Variants in ZNF469 observed in about 807,000 individuals in gnomAD.
ZNF469 encodes the protein zinc finger protein 469.
A neutral mutation model predicts 1.0 loss-of-function variants in ZNF469; 1 was observed. That is an observed-to-expected ratio of 1.00 (90% CI 0.35 to 4.73). ZNF469 has a LOEUF of 4.73. Ranked by LOEUF, ZNF469 falls within the 30% of genes most tolerant of loss-of-function variation. ZNF469 has a pLI of 0.16. For synonymous variants in ZNF469, 2,703 were observed against 2,363.4 expected (o/e 1.14, Z -4.17); for missense variants, 6,100 against 5,356.3 (o/e 1.14, Z -4.33).
At chr16:88,117,599 C>T in the ZNF469 span, among the ~76,000 whole-genome samples, 9 of 151,940 alleles carry the variant, frequency 5.9e-5, no homozygotes, top group Non-Finnish European at 1.2e-4. Context: ...CACGTGCCTT[C>T]GGGGACCGTG....
chr16:88,168,240 T>C, the ZNF469 span, among the ~76,000 whole-genome samples: 1 of 152,184 alleles, frequency 6.6e-6, no homozygotes, highest in Non-Finnish European at 1.5e-5. The surrounding 1 kb of genome is among the most constrained non-coding windows in gnomAD (Gnocchi z 4.3). Context: ...ACTCAGAGTG[T>C]GGGTGTCTGA....
the ZNF469 span, among the ~76,000 whole-genome samples, chr16:88,138,388 C>A: frequency 6.6e-6 from 1 of 152,196 alleles, no homozygotes; most frequent in South Asian, 2.1e-4. Context: ...GAGCGCCCAG[C>A]GGGTTGTCAA....
chr16:88,241,003 C>T, the ZNF469 span, among the ~76,000 whole-genome samples: 1 of 152,156 alleles, frequency 6.6e-6, no homozygotes, highest in Non-Finnish European at 1.5e-5. The surrounding 1 kb of genome is among the most constrained non-coding windows in gnomAD (Gnocchi z 4.8). Flanking sequence ...GGGCCGCCCA[C>T]ACCATGTCAG....
the ZNF469 span, among the ~76,000 whole-genome samples, chr16:88,117,225 C>T: frequency 4.9e-5 from 7 of 141,742 alleles, no homozygotes; most frequent in South Asian, 4.5e-4. Flanking sequence ...GAGCTGGGGT[C>T]GTGTGAGAGC....
chr16:88,316,868 A>C, the ZNF469 span, among the ~76,000 whole-genome samples: 1 of 151,984 alleles, frequency 6.6e-6, no homozygotes, highest in African/African-American at 2.4e-5. Flanking sequence ...TCAGTGCCGC[A>C]TTGCCCAGCA....
chr16:88,218,888 TCTC>T, the ZNF469 span, among the ~76,000 whole-genome samples: 1 of 145,454 alleles, frequency 6.9e-6, no homozygotes, highest in Non-Finnish European at 1.5e-5. Context: ...CAGCCCAAAA[TCTC>T]CTTAAGCTGA....
At chr16:88,297,568 A>G in the ZNF469 span, among the ~76,000 whole-genome samples, 2 of 152,144 alleles carry the variant, frequency 1.3e-5, no homozygotes, top group African/African-American at 4.8e-5. Context: ...TGAGCCCTGC[A>G]TGCCTGACCT....
the ZNF469 span, among the ~76,000 whole-genome samples, chr16:88,122,088 GGC>G: frequency 0.021 from 2,928 of 140,948 alleles, 69 homozygotes; most frequent in Non-Finnish European, 0.034. Context: ...CTGCGGCCTC[GGC>G]AGCCCCTCGG....
chr16:88,383,788 G>C (rs2092531297), intron 1 of ZNF469, among the ~76,000 whole-genome samples: 1 of 152,118 alleles, frequency 6.6e-6, no homozygotes, highest in Admixed American at 6.5e-5. Flanking sequence ...TCAGCGCCCC[G>C]GACGGGGGTG....
chr16:88,241,857 C>T, the ZNF469 span, among the ~76,000 whole-genome samples: 7 of 152,292 alleles, frequency 4.6e-5, no homozygotes, highest in South Asian at 8.3e-4. This position sits in a 1 kb window ranked among gnomAD's most constrained non-coding sequence, Gnocchi z 4.8. Flanking sequence ...TTCAGGGCCC[C>T]GTGGAGACTC....
the ZNF469 span, among the ~76,000 whole-genome samples, chr16:88,369,542 A>G: frequency 1.3e-5 from 2 of 152,208 alleles, no homozygotes; most frequent in African/African-American, 2.4e-5. Context: ...GCCCATTGCT[A>G]TGTGACCCTG....
chr16:88,299,648 G>A, the ZNF469 span, among the ~76,000 whole-genome samples: 1 of 152,162 alleles, frequency 6.6e-6, no homozygotes, highest in African/African-American at 2.4e-5. Context: ...GGGTCAGGTC[G>A]CTGTGATCCC....
At chr16:88,297,351 C>T in the ZNF469 span, among the ~76,000 whole-genome samples, 2 of 152,338 alleles carry the variant, frequency 1.3e-5, no homozygotes, top group Non-Finnish European at 2.9e-5. Flanking sequence ...CGGGTGCGTG[C>T]ATGACAAGGC....
chr16:88,145,094 C>T, the ZNF469 span, among the ~76,000 whole-genome samples: 1 of 151,990 alleles, frequency 6.6e-6, no homozygotes, highest in Non-Finnish European at 1.5e-5. Context: ...AAGTGATCCG[C>T]CCACCTCAGC....
At chr16:88,427,167 G>A (rs1597205244) in intron 2 of ZNF469, among the ~76,000 whole-genome samples, 178 bp from the exon 3 acceptor site, 1 of 152,126 alleles carries the variant, frequency 6.6e-6, no homozygotes, top group East Asian at 1.9e-4. Context: ...CTCCCTTCCT[G>A]CTTCTAGGTA....
chr16:88,291,979 C>T, the ZNF469 span, among the ~76,000 whole-genome samples: 657 of 152,162 alleles, frequency 4.3e-3, 3 homozygotes, highest in Non-Finnish European at 6.7e-3. Context: ...GGGCTGGAGC[C>T]GAAGGTATGA....
Position 88,439,237 on chromosome 16 carries a change from C to G in ZNF469, c.11767C>G (p.Arg3923Gly). The change falls in exon 3 of 3, where the codon CGG becomes GGG. Residue 3923 changes from arginine (R) to glycine (G), a missense_variant. By Grantham distance (125) the Arg-to-Gly change is moderately radical. Coordinates refer to ENST00000565624, the MANE Select transcript of ZNF469 (RefSeq NM_001367624.2). ...GAEPAEPHTH[R>G]TAEAQSDLLS... ...TGAACCTGCCGAGCCACACACCCAC[C>G]GGACGGCCGAGGCCCAGAGTGACCT... 1 of 1,550,504 alleles carries G rather than the reference C, an allele frequency of 6.4e-7. No individual in the cohort carries two copies. Among genetic ancestry groups the G allele is most frequent in the Non-Finnish European group, 8.7e-7 (1 of 1,146,998 alleles).
chr16:88,169,680 G>C, the ZNF469 span, among the ~76,000 whole-genome samples: 5 of 152,302 alleles, frequency 3.3e-5, no homozygotes, highest in African/African-American at 1.2e-4. The surrounding 1 kb of genome is among the most constrained non-coding windows in gnomAD (Gnocchi z 6.1). Context: ...CGCCCAGGTC[G>C]GCCTTCGTGC....
chr16:88,129,071 AAG>A, the ZNF469 span, among the ~76,000 whole-genome samples: 2 of 152,270 alleles, frequency 1.3e-5, no homozygotes, highest in Non-Finnish European at 2.9e-5. Context: ...AAAATGAGTT[AAG>A]AGAAACAATC....
Sources: allele counts gnomAD v4.1 joint callset (sites outside exome capture counted in the v4.1 genomes callset), GRCh38; gene constraint gnomAD v4.1.1; non-coding constraint Gnocchi (gnomAD v3.1); transcripts MANE v1.5; gene names NCBI Gene and HGNC (gene_info 2026-07-23, HGNC 2026-07-21).